SLC23A2: variants seen among roughly 807,000 people sequenced by gnomAD.
SLC23A2 encodes solute carrier family 23 member 2, also known as Na(+)/L-ascorbic acid transporter 2.
Under a neutral mutation model 73.3 loss-of-function variants are expected in SLC23A2, and 36 were observed. That is an observed-to-expected ratio of 0.49 (90% CI 0.38 to 0.65). The LOEUF (loss-of-function observed/expected upper bound fraction) is 0.65, where lower values mean the gene tolerates loss of function less well. Among genes scored for constraint, SLC23A2 ranks in the 30% least tolerant of loss-of-function variants. The pLI is 0.00. For missense variants in SLC23A2, 507 were observed against 841.6 expected (o/e 0.60, Z 4.92); for synonymous variants, 343 against 327.3 (o/e 1.05, Z -0.52).
chr20:4,917,406 G>T (rs1568623486), intron 3 of SLC23A2, among the ~76,000 whole-genome samples: 1 of 152,160 alleles, frequency 6.6e-6, no homozygotes, highest in Non-Finnish European at 1.5e-5. Context: ...GGTGAGTACA[G>T]CGGGGAGATG....
chr20:4,880,563 A>C (rs1361231573), intron 9 of SLC23A2, among the ~76,000 whole-genome samples: 1 of 152,162 alleles, frequency 6.6e-6, no homozygotes. Context: ...AAGGAATAAG[A>C]GATAAAGCAA....
At chr20:4,994,747 C>T (rs1301174319) in intron 1 of SLC23A2, among the ~76,000 whole-genome samples, 2 of 150,704 alleles carry the variant, frequency 1.3e-5, no homozygotes, top group African/African-American at 4.9e-5. Flanking sequence ...GGCGACAGAG[C>T]AAGATTCCGT....
At chr20:4,960,128 A>G (rs1231991724) in intron 2 of SLC23A2, among the ~76,000 whole-genome samples, 1 of 152,194 alleles carries the variant, frequency 6.6e-6, no homozygotes, top group African/African-American at 2.4e-5. Context: ...CAAAACCTGG[A>G]AACAACATTC....
intron 13 of SLC23A2, among the ~76,000 whole-genome samples, chr20:4,866,604 C>A (rs1197138241): frequency 1.3e-5 from 2 of 152,236 alleles, no homozygotes; most frequent in Non-Finnish European, 2.9e-5. Context: ...CATTGGCACA[C>A]CTCAGGCTGA....
Position 4,986,297 on chromosome 20 carries a change from C to G in SLC23A2, c.-282+15109G>C, listed in dbSNP as rs2122297044. On this transcript the variant is annotated intron_variant, in intron 1 of 16. Transcript: ENST00000338244. ...GGCAACATAGAGAGACCCCTTTCGCCACAAAAAGAAAAAACAAAGGTTATG... is the reference window on the plus strand; with the variant it reads ...GGCAACATAGAGAGACCCCTTTCGCGACAAAAAGAAAAAACAAAGGTTATG... Among the ~76,000 whole-genome samples, 3 of 151,970 alleles carry G rather than the reference C, an allele frequency of 2.0e-5. No homozygotes were observed. The South Asian group carries it at 6.2e-4, about 32-fold the overall frequency.
At chr20:4,951,139 TGCAGGA>T (rs1251202281) in intron 2 of SLC23A2, among the ~76,000 whole-genome samples, 2 of 152,204 alleles carry the variant, frequency 1.3e-5, no homozygotes, top group African/African-American at 4.8e-5. Flanking sequence ...GAAGATTTGT[TGCAGGA>T]GCCAAAAGAA....
intron 4 of SLC23A2, among the ~76,000 whole-genome samples, chr20:4,909,569 G>C (rs1290472641): frequency 6.6e-6 from 1 of 151,734 alleles, no homozygotes; most frequent in Non-Finnish European, 1.5e-5. Flanking sequence ...GGTCTCTTTT[G>C]TTTTGAGACA....
chr20:4,859,410 G>T (rs376686018), intron 15 of SLC23A2, 26 bp from the exon 16 acceptor site: 6 of 1,482,904 alleles, frequency 4.0e-6, no homozygotes, highest in South Asian at 1.1e-5. Context: ...AGCCATAAAC[G>T]ATCAGTGCCA....
chr20:4,860,404 G>A (rs1325848830), intron 15 of SLC23A2, among the ~76,000 whole-genome samples: 2 of 152,176 alleles, frequency 1.3e-5, no homozygotes, highest in Non-Finnish European at 2.9e-5. Flanking sequence ...CTGTCATACC[G>A]TGTGCTTTCC....
intron 1 of SLC23A2, among the ~76,000 whole-genome samples, chr20:4,971,618 C>CAA (rs944620433): frequency 3.0e-4 from 18 of 60,064 alleles, no homozygotes; most frequent in African/African-American, 3.7e-4. Context: ...CTTGTCTCTA[C>CAA]AAAAAAAAAA....
At chr20:4,934,076 G>C (rs1453395787) in intron 2 of SLC23A2, among the ~76,000 whole-genome samples, 2 of 152,256 alleles carry the variant, frequency 1.3e-5, no homozygotes, top group African/African-American at 2.4e-5. Context: ...GCCAGAACGT[G>C]AAGTTCCATG....
Position 4,902,567 on chromosome 20 carries a change from CAGA to C in SLC23A2, c.208-12_208-10del. ...GTCTCAGCGAGAGAGCTCTGCGAGCCAGAAGGAGAAAAGAAGGTGCTCATTAAA... is the reference window on the plus strand; with the variant it reads ...GTCTCAGCGAGAGAGCTCTGCGAGCCAGGAGAAAAGAAGGTGCTCATTAAA... On this transcript the variant is annotated splice_polypyrimidine_tract_variant and intron_variant, in intron 4 of 16. Transcript: ENST00000338244. The surrounding 1 kb of genome is among the most constrained non-coding windows in gnomAD (Gnocchi z 4.0). The C allele has an allele frequency of 1.3e-6, 2 of 1,538,556 alleles. No individual in the cohort carries two copies. Among genetic ancestry groups the C allele is most frequent in the Non-Finnish European group, 1.8e-6 (2 of 1,118,116 alleles).
chr20:4,910,580 C>T (rs748609598), intron 4 of SLC23A2, among the ~76,000 whole-genome samples: 1 of 152,058 alleles, frequency 6.6e-6, no homozygotes, highest in Non-Finnish European at 1.5e-5. Context: ...CAACCACAGG[C>T]GTGTGACACC....
intron 1 of SLC23A2, among the ~76,000 whole-genome samples, chr20:4,982,290 G>T (rs919872057): frequency 6.6e-6 from 1 of 152,214 alleles, no homozygotes; most frequent in African/African-American, 2.4e-5. Context: ...ACCGTGCCCG[G>T]ACGATGGCAA....
chr20:5,008,670 C>G (rs2088216596), intron 1 of SLC23A2, among the ~76,000 whole-genome samples: 1 of 152,172 alleles, frequency 6.6e-6, no homozygotes, highest in African/African-American at 2.4e-5. Flanking sequence ...CCATGAGGGA[C>G]CTCTCTTCCC....
chr20:5,006,974 T>TGC (rs947642741), intron 1 of SLC23A2, among the ~76,000 whole-genome samples: 2 of 140,104 alleles, frequency 1.4e-5, no homozygotes, highest in African/African-American at 5.4e-5. Context: ...TGTGTGTGTG[T>TGC]GTGCGTGCGT....
At chr20:4,984,536 G>A (rs2087790718) in intron 1 of SLC23A2, among the ~76,000 whole-genome samples, 1 of 139,144 alleles carries the variant, frequency 7.2e-6, no homozygotes, top group Admixed American at 7.7e-5. Context: ...CTGGGCAACA[G>A]AGCAAGACTC....
At chr20:4,956,481 AC>A (rs2087290124) in intron 2 of SLC23A2, among the ~76,000 whole-genome samples, 6 of 152,226 alleles carry the variant, frequency 3.9e-5, no homozygotes, top group Admixed American at 3.9e-4. Context: ...AAAATTTCAA[AC>A]ATACAGAAAA....
At position 4,859,205 on chromosome 20, in the gene SLC23A2, T is replaced by C; in HGVS notation, c.1720+84A>G. The C allele has an allele frequency of 1.1e-5, 9 of 830,526 alleles. No individual in the cohort carries two copies. The South Asian group carries it at 1.2e-4, about 11-fold the overall frequency. 51.4% of individuals were successfully genotyped at this position (830,526 alleles called of 1,614,324 possible). A position where few individuals can be genotyped will look rare whatever the true frequency, so the allele number is the denominator to read the frequency against. ...GCTTTGAACTCATTTACTCTTCCCG[T>C]TTTCCATTTCTATTTGGCAAAAAAA... On this transcript the variant is annotated intron_variant, in intron 16 of 16. Coordinates refer to ENST00000338244, the MANE Select transcript of SLC23A2 (RefSeq NM_005116.6).
Sources: allele counts gnomAD v4.1 joint callset (sites outside exome capture counted in the v4.1 genomes callset), GRCh38; gene constraint gnomAD v4.1.1; non-coding constraint Gnocchi (gnomAD v3.1); transcripts MANE v1.5; gene names NCBI Gene and HGNC (gene_info 2026-07-23, HGNC 2026-07-21).